KSR2: variants seen among roughly 807,000 people sequenced by gnomAD.
The protein encoded by KSR2 is kinase suppressor of ras 2.
KSR2 carries 25 observed loss-of-function variants against 107.8 expected under a neutral mutation model. That is an observed-to-expected ratio of 0.23 (90% CI 0.17 to 0.32). KSR2 has a LOEUF of 0.32. KSR2 is among the 10% of genes least tolerant of loss of function. KSR2 has a pLI of 1.00. For synonymous variants in KSR2, 480 were observed against 507.0 expected (o/e 0.95, Z 0.71); for missense variants, 887 against 1,268.9 (o/e 0.70, Z 4.57).
At chr12:117,621,318 T>G (rs774506093) in intron 5 of KSR2, among the ~76,000 whole-genome samples, 10 of 152,184 alleles carry the variant, frequency 6.6e-5, no homozygotes, top group Non-Finnish European at 1.3e-4. Context: ...CTTTTCTTTA[T>G]AAATTATCCA....
At chr12:117,637,675 G>GTTTTTTTGTTTT (rs1883165278) in intron 5 of KSR2, among the ~76,000 whole-genome samples, 1 of 92,086 alleles carries the variant, frequency 1.1e-5, no homozygotes. Flanking sequence ...TCAGTTTTGG[G>GTTTTTTTGTTTT]TTTTTTTTTT....
At chr12:117,474,410 G>A (rs1337312460) in intron 17 of KSR2, among the ~76,000 whole-genome samples, 3 of 151,976 alleles carry the variant, frequency 2.0e-5, no homozygotes, top group East Asian at 1.9e-4. Context: ...TGATCTTCCA[G>A]AAATATCTCC....
Position 117,465,473 on chromosome 12 carries a change from G to C in KSR2, c.*1726C>G, listed in dbSNP as rs866294950. ...AAACACAGGGGTTTCCTGTAGCCAG[G>C]CTCCTGGGAAGCATGACTGATCTCA... On this transcript the variant is annotated 3_prime_UTR_variant, in exon 20 of 20. Coordinates refer to ENST00000339824, the MANE Select transcript of KSR2 (RefSeq NM_173598.6). 3 of 152,186 alleles carry C rather than the reference G, an allele frequency of 2.0e-5. No homozygotes were observed. The highest frequency in any genetic ancestry group is 7.2e-5 in the African/African-American group (3 of 41,426). 9.4% of individuals were successfully genotyped at this position (152,186 alleles called of 1,614,324 possible). A position where few individuals can be genotyped will look rare whatever the true frequency, so the allele number is the denominator to read the frequency against.
At chr12:117,950,313 C>A (rs188353572) in intron 1 of KSR2, among the ~76,000 whole-genome samples, 1 of 152,138 alleles carries the variant, frequency 6.6e-6, no homozygotes, top group Non-Finnish European at 1.5e-5. Context: ...AAGATAGATT[C>A]ATGGACAGAG....
At chr12:117,757,966 C>T (rs552341760) in intron 4 of KSR2, among the ~76,000 whole-genome samples, 4 of 152,290 alleles carry the variant, frequency 2.6e-5, no homozygotes, top group South Asian at 2.1e-4. Context: ...AACACTAAAA[C>T]GCTTACCAGA....
At position 117,488,459 on chromosome 12, in the gene KSR2, G is replaced by A. The variant is rs547296949; in HGVS notation, c.2220-2768C>T. 2.6e-3 allele frequency among the ~76,000 whole-genome samples: 398 copies of A among 152,268 alleles called. 3 individuals carry two copies. Among genetic ancestry groups the A allele is most frequent in the Non-Finnish European group, 2.1e-3 (142 of 68,014 alleles). The stretch of plus-strand genomic sequence containing the variant: ...CGTATGTTGAAATCCTAATCCCAAC[G>A]TGATGGTATTAGGAGGTGAGGCTTT... On this transcript the variant is annotated intron_variant, in intron 14 of 19. Coordinates refer to ENST00000339824, the MANE Select transcript of KSR2 (RefSeq NM_173598.6).
intron 4 of KSR2, among the ~76,000 whole-genome samples, chr12:117,696,009 G>A (rs1195673703): frequency 6.6e-6 from 1 of 152,200 alleles, no homozygotes; most frequent in Non-Finnish European, 1.5e-5. Flanking sequence ...GGCTGAGGCT[G>A]GTTCCCTTCT....
At chr12:117,866,931 C>T (rs1893492446) in intron 1 of KSR2, among the ~76,000 whole-genome samples, 1 of 152,140 alleles carries the variant, frequency 6.6e-6, no homozygotes, top group African/African-American at 2.4e-5. Context: ...GAAACACTGT[C>T]CTACAAAAGA....
intron 4 of KSR2, among the ~76,000 whole-genome samples, chr12:117,717,092 A>G (rs954370311): frequency 1.1e-4 from 17 of 152,212 alleles, no homozygotes; most frequent in African/African-American, 4.1e-4. Flanking sequence ...CCTGAAGTTC[A>G]CCAAAGTTGG....
intron 5 of KSR2, among the ~76,000 whole-genome samples, chr12:117,655,928 C>A (rs1014537712): frequency 6.6e-6 from 1 of 152,136 alleles, no homozygotes; most frequent in African/African-American, 2.4e-5. Flanking sequence ...ACTACAACAG[C>A]CCAATCCAGG....
chr12:117,956,260 A>T (rs1896515370), intron 1 of KSR2, among the ~76,000 whole-genome samples: 1 of 147,896 alleles, frequency 6.8e-6, no homozygotes, highest in Admixed American at 6.8e-5. Flanking sequence ...AAAAAAAAAA[A>T]AAAAAAAAAA....
At chr12:117,618,192 T>C (rs1210264312) in intron 5 of KSR2, among the ~76,000 whole-genome samples, 4 of 152,166 alleles carry the variant, frequency 2.6e-5, no homozygotes, top group Admixed American at 2.6e-4. Context: ...TAACACTAAT[T>C]CAATCAAGGA....
At chr12:117,579,071 G>T in intron 7 of KSR2, 48 bp downstream of exon 7, 2 of 1,349,218 alleles carry the variant, frequency 1.5e-6, no homozygotes, top group Non-Finnish European at 2.1e-6. Context: ...CATGGTTCTA[G>T]CTGACATCGG....
chr12:117,574,794 T>C (rs1198395193), intron 7 of KSR2, among the ~76,000 whole-genome samples: 1 of 150,804 alleles, frequency 6.6e-6, no homozygotes, highest in African/African-American at 2.4e-5. Flanking sequence ...ACGCTGATGG[T>C]GCTGGTCCAG....
intron 5 of KSR2, among the ~76,000 whole-genome samples, chr12:117,657,758 C>G (rs1342811103): frequency 1.3e-5 from 2 of 152,196 alleles, no homozygotes. Flanking sequence ...GTGCTGGACA[C>G]AAAGTGAATG....
intron 14 of KSR2, among the ~76,000 whole-genome samples, chr12:117,513,581 C>G (rs1047560412): frequency 2.0e-5 from 3 of 152,192 alleles, no homozygotes; most frequent in Non-Finnish European, 4.4e-5. Context: ...AAGTCACAAG[C>G]CAGGCAGGTT....
chr12:117,551,505 A>G (rs1384403350), intron 9 of KSR2, among the ~76,000 whole-genome samples: 4 of 152,196 alleles, frequency 2.6e-5, no homozygotes, highest in Admixed American at 6.5e-5. Flanking sequence ...TAACTGGCCC[A>G]CAGTCGTACA....
At chr12:117,863,802 G>A (rs1485477562) in intron 1 of KSR2, among the ~76,000 whole-genome samples, 1 of 151,994 alleles carries the variant, frequency 6.6e-6, no homozygotes, top group Non-Finnish European at 1.5e-5. Flanking sequence ...TCCCTTTTCG[G>A]TGATCAGAGG....
At chr12:117,518,208 A>G (rs1874510978) in intron 14 of KSR2, among the ~76,000 whole-genome samples, 3 of 152,186 alleles carry the variant, frequency 2.0e-5, no homozygotes, top group Admixed American at 1.3e-4. Flanking sequence ...CTGGGAACCC[A>G]GCGAGGGGAT....
Sources: allele counts gnomAD v4.1 joint callset (sites outside exome capture counted in the v4.1 genomes callset), GRCh38; gene constraint gnomAD v4.1.1; transcripts MANE v1.5; gene names NCBI Gene and HGNC (gene_info 2026-07-23, HGNC 2026-07-21).